Variants in ARHGAP15 observed in about 807,000 individuals in gnomAD.
ARHGAP15 encodes rho GTPase-activating protein 15.
Under a neutral mutation model 63.7 loss-of-function variants are expected in ARHGAP15, and 51 were observed. That is an observed-to-expected ratio of 0.80 (90% confidence interval 0.64 to 1.01). The LOEUF (loss-of-function observed/expected upper bound fraction) is 1.01. Ranked by LOEUF, ARHGAP15 falls within the 50% of genes least tolerant of loss-of-function variation. The pLI is 0.00. For missense variants in ARHGAP15, 560 were observed against 564.6 expected, an observed-to-expected ratio of 0.99 and a Z score of 0.08; for synonymous variants, 191 against 193.8, an observed-to-expected ratio of 0.99 and a Z score of 0.12.
chr2:143,517,431 T>C (rs1372146383), intron 9 of ARHGAP15, among the ~76,000 whole-genome samples: 1 of 152,192 alleles, frequency 6.6e-6, no homozygotes, highest in Admixed American at 6.5e-5. Flanking sequence ...TTATGCTGCA[T>C]TATTATTCTA....
chr2:143,520,876 G>T (rs781180699), intron 10 of ARHGAP15, among the ~76,000 whole-genome samples: 1 of 152,064 alleles, frequency 6.6e-6, no homozygotes, highest in Admixed American at 6.6e-5. Context: ...GTAAAGAAGC[G>T]CTCCATTCCT....
intron 6 of ARHGAP15, among the ~76,000 whole-genome samples, chr2:143,272,860 C>T (rs975238605): frequency 1.3e-5 from 2 of 152,038 alleles, no homozygotes; most frequent in African/African-American, 4.8e-5. Context: ...ACCACCAGGT[C>T]GATCCAGAAT....
chr2:143,183,722 C>CTTT (rs766431084), intron 2 of ARHGAP15, among the ~76,000 whole-genome samples: 95 of 139,934 alleles, frequency 6.8e-4, no homozygotes, highest in Middle Eastern at 3.8e-3. Flanking sequence ...TTTTTCTTTT[C>CTTT]TTTTTTTTTT....
intron 11 of ARHGAP15, among the ~76,000 whole-genome samples, chr2:143,623,367 C>T (rs1698716021): frequency 6.6e-6 from 1 of 152,170 alleles, no homozygotes; most frequent in Non-Finnish European, 1.5e-5. Flanking sequence ...TCCACTCACT[C>T]AAGCTTCCCA....
chr2:143,584,424 G>A (rs989415613), intron 11 of ARHGAP15, among the ~76,000 whole-genome samples: 47 of 152,048 alleles, frequency 3.1e-4, no homozygotes, highest in African/African-American at 1.1e-3. Context: ...TTAGGAGTTC[G>A]AGACCAGCCT....
chr2:143,275,748 G>A (rs1216905879), intron 6 of ARHGAP15, among the ~76,000 whole-genome samples: 3 of 152,066 alleles, frequency 2.0e-5, no homozygotes, highest in East Asian at 3.9e-4. Context: ...CCTCTGATAC[G>A]CTGGTTTGCT....
chr2:143,743,594 T>C, intron 13 of ARHGAP15, among the ~76,000 whole-genome samples: 1 of 152,202 alleles, frequency 6.6e-6, no homozygotes, highest in East Asian at 1.9e-4. Context: ...ATGAAAGCCA[T>C]GTTCGGGGAC....
chr2:143,265,283 G>A (rs1056428197), intron 6 of ARHGAP15, among the ~76,000 whole-genome samples: 1 of 151,312 alleles, frequency 6.6e-6, no homozygotes, highest in African/African-American at 2.4e-5. Flanking sequence ...ATCATTATTA[G>A]GCCAACAACT....
intron 11 of ARHGAP15, among the ~76,000 whole-genome samples, chr2:143,587,320 G>A (rs1697143459): frequency 6.6e-6 from 1 of 152,116 alleles, no homozygotes; most frequent in Non-Finnish European, 1.5e-5. Context: ...CAGTACATAT[G>A]ACTGTGTATG....
intron 8 of ARHGAP15, among the ~76,000 whole-genome samples, chr2:143,472,993 G>A (rs890952841): frequency 3.3e-5 from 5 of 152,164 alleles, no homozygotes; most frequent in Admixed American, 6.5e-5. Flanking sequence ...ATTGATCACC[G>A]CTACATACTA....
chr2:143,416,643 TC>T (rs1046818297), intron 6 of ARHGAP15, among the ~76,000 whole-genome samples: 2 of 152,266 alleles, frequency 1.3e-5, no homozygotes, highest in African/African-American at 4.8e-5. Flanking sequence ...ACTTCTGAGG[TC>T]CCTTCTTTCT....
chr2:143,693,717 A>G (rs1367982473), intron 12 of ARHGAP15, among the ~76,000 whole-genome samples: 1 of 152,204 alleles, frequency 6.6e-6, no homozygotes, highest in Admixed American at 6.5e-5. Context: ...TGTCATTAGG[A>G]CGTTGATAGT....
chr2:143,590,996 GAA>G (rs1697299269), intron 11 of ARHGAP15, among the ~76,000 whole-genome samples: 1 of 152,012 alleles, frequency 6.6e-6, no homozygotes, highest in Admixed American at 6.6e-5. Context: ...CCTCATTTGA[GAA>G]ACACAGATTT....
At chr2:143,535,705 A>G (rs1031516123) in intron 10 of ARHGAP15, among the ~76,000 whole-genome samples, 2 of 152,234 alleles carry the variant, frequency 1.3e-5, no homozygotes, top group Non-Finnish European at 2.9e-5. Context: ...ATTTCCTAAC[A>G]TTCAAACTCA....
intron 12 of ARHGAP15, among the ~76,000 whole-genome samples, chr2:143,636,240 C>T (rs1680307389): frequency 1.3e-5 from 2 of 152,092 alleles, no homozygotes; most frequent in African/African-American, 4.8e-5. Flanking sequence ...ATCTTTTAAG[C>T]TTTTCTTCCA....
intron 8 of ARHGAP15, among the ~76,000 whole-genome samples, chr2:143,484,705 C>T (rs947437140): frequency 1.3e-5 from 2 of 152,058 alleles, no homozygotes; most frequent in East Asian, 1.9e-4. Context: ...AATGTAAAAT[C>T]TTCTGGTAGC....
chr2:143,712,981 C>T (rs948201043), intron 13 of ARHGAP15, among the ~76,000 whole-genome samples: 17 of 152,172 alleles, frequency 1.1e-4, no homozygotes, highest in Admixed American at 2.0e-4. Context: ...CCCCTAGCAC[C>T]GTGTCCTACA....
chr2:143,503,050 T>C (rs999943879), intron 9 of ARHGAP15, among the ~76,000 whole-genome samples: 1 of 152,230 alleles, frequency 6.6e-6, no homozygotes, highest in Non-Finnish European at 1.5e-5. Context: ...ATGCTAGTAG[T>C]GGTCTAGGAA....
chr2:143,335,061 AG>A (rs1464040418), intron 6 of ARHGAP15, among the ~76,000 whole-genome samples: 2 of 152,226 alleles, frequency 1.3e-5, no homozygotes, highest in African/African-American at 4.8e-5. Flanking sequence ...AGCATAACAA[AG>A]ATAAATAGAT....
Sources: allele counts gnomAD v4.1 joint callset (sites outside exome capture counted in the v4.1 genomes callset), GRCh38; gene constraint gnomAD v4.1.1; transcripts MANE v1.5; gene names NCBI Gene and HGNC (gene_info 2026-07-23, HGNC 2026-07-21).